RABL6: variants seen among roughly 807,000 people sequenced by gnomAD.
The protein encoded by RABL6 is rab-like protein 6.
Under a neutral mutation model 72.9 loss-of-function variants are expected in RABL6, and 28 were observed. The ratio of observed to expected loss-of-function variants is 0.38; its 90% CI spans 0.28 to 0.53. The LOEUF (loss-of-function observed/expected upper bound fraction) is 0.53. RABL6 is among the 20% of genes least tolerant of loss of function. RABL6 has a pLI of 0.80. For missense variants in RABL6, 1,029 were observed against 1,008.4 expected, an observed-to-expected ratio of 1.02 and a Z score of -0.28; for synonymous variants, 477 against 421.2, an observed-to-expected ratio of 1.13 and a Z score of -1.62.
At chr9:136,823,317 G>A (rs1388950845) in intron 1 of RABL6, among the ~76,000 whole-genome samples, 4 of 152,088 alleles carry the variant, frequency 2.6e-5, no homozygotes, top group Admixed American at 2.0e-4. Context: ...GATGCTCTGT[G>A]TGCTGCCAGG....
intron 1 of RABL6, chr9:136,821,591 A>G: frequency 8.1e-6 from 8 of 986,278 alleles, no homozygotes; most frequent in Non-Finnish European, 9.6e-6. Flanking sequence ...CTGAGCCCAG[A>G]GCTGTGGGCC....
intron 7 of RABL6, 174 bp from the exon 8 acceptor site, chr9:136,835,568 C>T (rs1322878536): frequency 3.4e-6 from 2 of 591,364 alleles, no homozygotes; most frequent in Non-Finnish European, 3.0e-6. Context: ...CTCTGGGCTT[C>T]TGTGGTTCAA....
At chr9:136,811,898 C>T (rs1848020445) in intron 1 of RABL6, among the ~76,000 whole-genome samples, 2 of 152,314 alleles carry the variant, frequency 1.3e-5, no homozygotes, top group Non-Finnish European at 2.9e-5. Flanking sequence ...GTCTGACTCC[C>T]CTCTTCCCAT....
chr9:136,838,076 G>A, intron 10 of RABL6, 61 bp downstream of exon 10: 1 of 1,537,822 alleles, frequency 6.5e-7, no homozygotes. Context: ...TGCCCGAGCA[G>A]CAGGTGGGGC....
intron 1 of RABL6, 37 bp downstream of exon 1, chr9:136,808,363 C>A: frequency 6.9e-7 from 1 of 1,452,858 alleles, no homozygotes; most frequent in Non-Finnish European, 9.1e-7. Flanking sequence ...GGGAGCGCCG[C>A]GCGGGTCTCC....
At chr9:136,840,299 C>T (rs772019523) in intron 14 of RABL6, 23 bp from the exon 15 acceptor site, 105 of 1,605,396 alleles carry the variant, frequency 6.5e-5, no homozygotes, top group African/African-American at 5.4e-5. Flanking sequence ...GACTCCATGG[C>T]GCCCCATCCT....
At chr9:136,813,012 ATCC>A (rs1417831629) in intron 1 of RABL6, 1 of 362,936 alleles carries the variant, frequency 2.8e-6, no homozygotes, top group African/African-American at 2.2e-5. Context: ...CGCTTTTGGC[ATCC>A]TCCTCACTGT....
At chr9:136,829,688 G>A (rs1335010277) in intron 5 of RABL6, among the ~76,000 whole-genome samples, 1 of 152,274 alleles carries the variant, frequency 6.6e-6, no homozygotes, top group African/African-American at 2.4e-5. Context: ...TGCCTATGGG[G>A]CGGGATGGCG....
intron 3 of RABL6, 71 bp from the exon 4 acceptor site, chr9:136,828,423 G>A (rs1053256551): frequency 4.8e-5 from 73 of 1,507,126 alleles, no homozygotes; most frequent in Admixed American, 6.9e-5. Flanking sequence ...TGGCCATGGG[G>A]GGACCATGCT....
Position 136,818,390 on chromosome 9 carries a change from A to C in RABL6, c.131-5135A>C, listed in dbSNP as rs1008294338. Among the ~76,000 whole-genome samples the C allele has an allele frequency of 4.9e-4, 36 of 73,510 alleles. 1 individual carries two copies. The highest frequency in any genetic ancestry group is 5.1e-4 in the Non-Finnish European group (21 of 41,202). The allele number at this position is 73,510 out of a possible 152,430, so 48.2% of individuals were successfully genotyped here. ...AAAAAAAAAAAAAAAAAAAAAAAAA[A>C]AAAAAAAAAAAAAACCAAAGGTAAG... On this transcript the variant is annotated intron_variant, in intron 1 of 14. Transcript: ENST00000311502.
At chr9:136,812,490 C>G (rs918702162) in intron 1 of RABL6, among the ~76,000 whole-genome samples, 4 of 151,956 alleles carry the variant, frequency 2.6e-5, no homozygotes, top group African/African-American at 9.7e-5. Context: ...ACCCGGGAGG[C>G]AGAGGTTGCC....
chr9:136,808,381 G>A, intron 1 of RABL6, 55 bp downstream of exon 1: 1 of 1,401,680 alleles, frequency 7.1e-7, no homozygotes, highest in Non-Finnish European at 9.3e-7. Flanking sequence ...TCCGAACCCA[G>A]GCCCCGGGCG....
Position 136,837,987 on chromosome 9 carries a change from G to A in RABL6, c.1252G>A (p.Ala418Thr). Residue 418 changes from alanine to threonine, a missense_variant, in exon 10 of 15, where the codon GCC becomes ACC. Transcript: ENST00000311502. ...TPARDEKKVGAKAAQQDSDSD... is the reference protein window; with the variant it reads ...TPARDEKKVGTKAAQQDSDSD... ...CGCCAGGGACGAGAAGAAGGTGGGG[G>A]CCAAGGCTGCCCAGCAGGACAGCGA... 2 of 1,568,552 alleles carry A rather than the reference G, an allele frequency of 1.3e-6. No individual in the cohort carries two copies. The highest frequency in any genetic ancestry group is 1.2e-5 in the South Asian group (1 of 85,200).
chr9:136,830,526 G>A (rs565971698), intron 5 of RABL6, among the ~76,000 whole-genome samples: 13 of 152,264 alleles, frequency 8.5e-5, no homozygotes, highest in Non-Finnish European at 1.8e-4. Flanking sequence ...CAGCTCGGGC[G>A]CACACGCTGG....
At chr9:136,827,053 AGGCCGCCTGGCCCTG>A (rs1200860322) in intron 3 of RABL6, 1 of 152,290 alleles carries the variant, frequency 6.6e-6, no homozygotes. Context: ...GTGGGTGCAG[AGGCCGCCTGGCCCTG>A]GGCTTCCTCT....
In RABL6 at chr9:136,839,786, C is replaced by T. The variant is rs368863211; in HGVS notation, c.1851C>T (p.Pro617=). The T allele has an allele frequency of 2.0e-5, 33 of 1,612,736 alleles. No homozygotes were observed. Among genetic ancestry groups the T allele is most frequent in the Middle Eastern group, 1.6e-4 (1 of 6,082 alleles). ...EPPPPPKLPL[P]AFRLKNDSDL... is the part of the protein sequence containing the mutation. ...CCCCACCCCCCAAGCTCCCTCTCCC[C>T]GCCTTCAGACTGAAGAATGACTCGG... The change falls in exon 13 of 15, where the codon CCC becomes CCT. Residue 617 remains proline, a synonymous_variant. Transcript: ENST00000311502.
chr9:136,823,223 C>G (rs925069250), intron 1 of RABL6, among the ~76,000 whole-genome samples: 16 of 151,582 alleles, frequency 1.1e-4, no homozygotes, highest in African/African-American at 3.9e-4. Flanking sequence ...CAGGGGTGGG[C>G]TCTAGGGCAG....
chr9:136,812,991 G>A (rs959265864), intron 1 of RABL6: 6 of 352,988 alleles, frequency 1.7e-5, no homozygotes, highest in South Asian at 2.6e-5. Flanking sequence ...CATCTTCCGC[G>A]GCCTCCTTGG....
chr9:136,831,885 G>T, intron 6 of RABL6, 24 bp downstream of exon 6: 1 of 1,594,284 alleles, frequency 6.3e-7, no homozygotes, highest in Non-Finnish European at 8.6e-7. Flanking sequence ...CCCTGCTCCC[G>T]AGGGACCCTG....
Sources: allele counts gnomAD v4.1 joint callset (sites outside exome capture counted in the v4.1 genomes callset), GRCh38; gene constraint gnomAD v4.1.1; transcripts MANE v1.5; gene names NCBI Gene and HGNC (gene_info 2026-07-23, HGNC 2026-07-21).